NRBP1: variants seen among roughly 807,000 people sequenced by gnomAD.
NRBP1 encodes the protein nuclear receptor-binding protein.
In NRBP1, 10 loss-of-function variants were observed where a neutral mutation model predicts 76.0. That is an observed-to-expected ratio of 0.13 (90% CI 0.08 to 0.22). NRBP1 has a LOEUF of 0.22. Among genes scored for constraint, NRBP1 ranks in the 10% least tolerant of loss-of-function variants. The pLI, the probability that NRBP1 is intolerant of heterozygous loss-of-function variation, is 1.00. For missense variants in NRBP1, 344 were observed against 646.0 expected (o/e 0.53, Z 5.07); for synonymous variants, 235 against 240.2 (o/e 0.98, Z 0.20).
chr2:27,428,454 C>A (rs923737312), upstream of NRBP1: 3 of 390,884 alleles, frequency 7.7e-6, no homozygotes, highest in Non-Finnish European at 9.0e-6. Context: ...AACATCGACC[C>A]CTCCGAGAGG....
intron 10 of NRBP1, among the ~76,000 whole-genome samples, chr2:27,438,343 C>G (rs1310526443): frequency 6.6e-6 from 1 of 152,106 alleles, no homozygotes; most frequent in Non-Finnish European, 1.5e-5. Context: ...TATATTTATA[C>G]AGTTTTAGTT....
chr2:27,440,757 C>T, intron 13 of NRBP1, 48 bp from the exon 14 acceptor site: 1 of 1,614,008 alleles, frequency 6.2e-7, no homozygotes, highest in East Asian at 2.2e-5. Flanking sequence ...GGTTGGGTAT[C>T]CTAAGGCGTT....
rs1311098590 is a variant in NRBP1, at chr2:27,441,737, A to G, written c.1533A>G (p.Leu511=). 6 of 1,613,814 alleles carry G rather than the reference A, an allele frequency of 3.7e-6. No individual in the cohort carries two copies. Among genetic ancestry groups the G allele is most frequent in the African/African-American group, 2.7e-5 (2 of 74,880 alleles). ...ACCAGAGCCGGTTGACTTCTCTGCT[A>G]GAAGAGACCTTGAACAAGTTCAATT... ...EADQSRLTSL[L]EETLNKFNFA... Residue 511 remains leucine (L), a synonymous_variant, in exon 18 of 18, where the codon CTA becomes CTG. Coordinates refer to ENST00000379852, the MANE Select transcript of NRBP1 (RefSeq NM_013392.4).
rs1341444077 is a variant in NRBP1, at chr2:27,442,199, C to G, written c.*387C>G. ...GAAAGGTGGTGCTGCAGTGGTGGCCCTGGGGGGCCATTCGATTCGCCTCAG... is the reference window on the plus strand; with the variant it reads ...GAAAGGTGGTGCTGCAGTGGTGGCCGTGGGGGGCCATTCGATTCGCCTCAG... On this transcript the variant is annotated 3_prime_UTR_variant, in exon 18 of 18. Coordinates refer to ENST00000379852, the MANE Select transcript of NRBP1 (RefSeq NM_013392.4). The G allele has an allele frequency of 3.7e-6, 2 of 543,348 alleles. No homozygotes were observed. The highest frequency in any genetic ancestry group is 3.2e-6 in the Non-Finnish European group (1 of 313,888). The allele number at this position is 543,348 out of a possible 1,614,324, so 33.7% of individuals were successfully genotyped here.
In NRBP1 at chr2:27,441,992, C is replaced by T. The variant is rs746396991; in HGVS notation, c.*180C>T. ...ATCCTTTCCCCTCCCCTCTCTTCCT[C>T]CCCTCTGCACTTTGTTTACTTGTTT... On this transcript the variant is annotated 3_prime_UTR_variant, in exon 18 of 18. Transcript: ENST00000379852. 3.4e-6 allele frequency: 2 copies of T among 584,320 alleles called. No homozygotes were observed. The highest frequency in any genetic ancestry group is 6.1e-6 in the Non-Finnish European group (2 of 330,130). The allele number at this position is 584,320 out of a possible 1,614,324, so 36.2% of individuals were successfully genotyped here. A position where few individuals can be genotyped will look rare whatever the true frequency, so the allele number is the denominator to read the frequency against.
chr2:27,440,221 A>T, intron 11 of NRBP1, 182 bp from the exon 12 acceptor site: 1 of 584,672 alleles, frequency 1.7e-6, no homozygotes, highest in Non-Finnish European at 3.1e-6. Context: ...CATGTTGGCC[A>T]GGCTGGTCTT....
At chr2:27,438,432 G>C (rs1241621706) in intron 10 of NRBP1, among the ~76,000 whole-genome samples, 2 of 152,212 alleles carry the variant, frequency 1.3e-5, no homozygotes, top group Non-Finnish European at 1.5e-5. Flanking sequence ...ATAGTAAGCA[G>C]AGCCTGGGCA....
At chr2:27,434,341 T>TTA in intron 4 of NRBP1, 130 bp from the exon 5 acceptor site, 1 of 775,606 alleles carries the variant, frequency 1.3e-6, no homozygotes, top group South Asian at 1.7e-5. Flanking sequence ...ATTGCCCTAT[T>TTA]TAGTCTAAGT....
In NRBP1 at chr2:27,435,866, A is replaced by G. The variant is rs1664916943; in HGVS notation, c.661+639A>G. On this transcript the variant is annotated intron_variant, in intron 7 of 17. Coordinates refer to ENST00000379852, the MANE Select transcript of NRBP1 (RefSeq NM_013392.4). ...CTTCCCCTATCTTCCCTGCCTAATT[A>G]TGCCTGCTTAGCTTCTGCCCTGCCA... 3.4e-5 allele frequency: 24 copies of G among 704,170 alleles called. No individual in the cohort carries two copies. In the South Asian group the frequency reaches 3.6e-4, roughly 10 times the overall value. 43.6% of individuals were successfully genotyped at this position (704,170 alleles called of 1,614,324 possible).
At position 27,441,577 on chromosome 2, in the gene NRBP1, C is replaced by A. The variant is rs1291424033; in HGVS notation, c.1458C>A (p.Ile486=). The A allele has an allele frequency of 6.2e-7, 1 of 1,614,094 alleles. No homozygotes were observed. Among genetic ancestry groups the A allele is most frequent in the Non-Finnish European group, 8.5e-7 (1 of 1,180,008 alleles). ...CTGTTTCTTTGTCAGATGAGAATAT[C>A]CCCGAGTTGGCGGCTGAGCTGGTGC... ...LSCDLMPNEN[I]PELAAELVQL... is the part of the protein sequence containing the mutation. Residue 486 remains isoleucine, a synonymous_variant, in exon 17 of 18, where the codon ATC becomes ATA. Transcript: ENST00000379852.
At chr2:27,427,869 G>T (rs1337251731), upstream of NRBP1, 1 of 152,180 alleles carries the variant, frequency 6.6e-6, no homozygotes, top group Non-Finnish European at 1.5e-5. Flanking sequence ...AGCTCACCAA[G>T]AATTTATCAT....
chr2:27,437,454 G>A, intron 10 of NRBP1, 94 bp downstream of exon 10: 1 of 881,472 alleles, frequency 1.1e-6, no homozygotes, highest in African/African-American at 1.7e-5. Flanking sequence ...GCTCCTAAGA[G>A]CTAGGGAACA....
At chr2:27,430,460 TC>T (rs1664065147) in intron 1 of NRBP1, among the ~76,000 whole-genome samples, 1 of 113,892 alleles carries the variant, frequency 8.8e-6, no homozygotes, top group Non-Finnish European at 1.8e-5. Context: ...TTCTTTTCTT[TC>T]TTTTTTTCTT....
chr2:27,438,872 T>C (rs1664413837), intron 10 of NRBP1, among the ~76,000 whole-genome samples: 1 of 152,226 alleles, frequency 6.6e-6, no homozygotes, highest in Non-Finnish European at 1.5e-5. Context: ...AGTGGGAGGA[T>C]TGCTTGAGCC....
In NRBP1 at chr2:27,441,604, G is replaced by T; in HGVS notation, c.1485G>T (p.Gln495His). ...CCGAGTTGGCGGCTGAGCTGGTGCA[G>T]CTGGGCTTCATTAGTGAGGTGAGGT... ...NIPELAAELVQLGFISEADQS... is the reference protein window; with the variant it reads ...NIPELAAELVHLGFISEADQS... Residue 495 changes from glutamine to histidine, a missense_variant, in exon 17 of 18, where the codon CAG becomes CAT. By Grantham distance (24) the Gln-to-His change is conservative. Around this residue, in one of 3 missense-constraint regions of NRBP1, gnomAD observed 218 missense variants for 309.8 expected, o/e 0.70. Transcript: ENST00000379852. 1 of 1,614,138 alleles carries T rather than the reference G, an allele frequency of 6.2e-7. No homozygotes were observed. The highest frequency in any genetic ancestry group is 8.5e-7 in the Non-Finnish European group (1 of 1,180,020).
intron 8 of NRBP1, 26 bp downstream of exon 8, chr2:27,436,862 T>C (rs372604240): frequency 6.2e-7 from 1 of 1,600,444 alleles, no homozygotes; most frequent in Non-Finnish European, 8.6e-7. Flanking sequence ...TTCTCTGCCC[T>C]GTCCTCATCC....
intron 7 of NRBP1, 148 bp from the exon 8 acceptor site, chr2:27,436,605 C>G: frequency 1.5e-6 from 1 of 658,018 alleles, no homozygotes; most frequent in Admixed American, 2.4e-5. Context: ...GTCTGTAGTT[C>G]AGGACAGGAA....
intron 10 of NRBP1, among the ~76,000 whole-genome samples, chr2:27,437,635 G>T (rs1273958184): frequency 2.6e-5 from 4 of 152,174 alleles, no homozygotes; most frequent in Non-Finnish European, 4.4e-5. Context: ...ACTTTGGGAG[G>T]CCGAGGCGGG....
At chr2:27,435,583 G>T in intron 7 of NRBP1, 2 of 696,658 alleles carry the variant, frequency 2.9e-6, no homozygotes, top group Admixed American at 2.0e-5. Flanking sequence ...GCTGTGTATT[G>T]TATGCAGTGT....
Sources: gnomAD v4.1 joint callset for allele counts (sites outside exome capture counted in the v4.1 genomes callset) on GRCh38, gnomAD v4.1.1 for gene constraint, gnomAD v4.1.1 regional missense constraint, MANE v1.5 for transcripts, NCBI Gene and HGNC (gene_info 2026-07-23, HGNC 2026-07-21) for gene names.